Variants in CREB5 observed in about 807,000 individuals in gnomAD.
CREB5 encodes cyclic AMP-responsive element-binding protein 5.
Under a neutral mutation model 57.1 loss-of-function variants are expected in CREB5, and 19 were observed. That is an observed-to-expected ratio of 0.33 (90% CI 0.23 to 0.49). The LOEUF (loss-of-function observed/expected upper bound fraction) is 0.49. Among genes scored for constraint, CREB5 ranks in the 20% least tolerant of loss-of-function variants. CREB5 has a pLI of 0.99. For synonymous variants in CREB5, 238 were observed against 238.3 expected (o/e 1.00, Z 0.01); for missense variants, 579 against 671.6 (o/e 0.86, Z 1.52).
At chr7:28,555,961 C>G (rs1794847425) in intron 4 of CREB5, among the ~76,000 whole-genome samples, 1 of 152,140 alleles carries the variant, frequency 6.6e-6, no homozygotes, top group South Asian at 2.1e-4. Context: ...ATAGAATGTT[C>G]CAGTTGCCGA....
At chr7:28,610,690 G>C (rs941663165) in intron 5 of CREB5, among the ~76,000 whole-genome samples, 1 of 152,102 alleles carries the variant, frequency 6.6e-6, no homozygotes, top group African/African-American at 2.4e-5. Flanking sequence ...AGGGACCTCA[G>C]GTAAGGTTCA....
chr7:28,673,255 A>C (rs893277613), intron 5 of CREB5, among the ~76,000 whole-genome samples: 2 of 152,194 alleles, frequency 1.3e-5, no homozygotes, highest in Non-Finnish European at 2.9e-5. Flanking sequence ...GGTCTAACAC[A>C]ATGGCTATCA....
intron 8 of CREB5, among the ~76,000 whole-genome samples, chr7:28,806,579 G>A (rs929335756): frequency 3.3e-5 from 5 of 152,076 alleles, no homozygotes; most frequent in African/African-American, 7.2e-5. Context: ...AATTACAAGC[G>A]ACAATAATTA....
At chr7:28,653,328 G>A (rs1402456398) in intron 5 of CREB5, among the ~76,000 whole-genome samples, 2 of 152,124 alleles carry the variant, frequency 1.3e-5, no homozygotes, top group Non-Finnish European at 2.9e-5. Context: ...ATTTTCTTAG[G>A]AACAGAAGTC....
chr7:28,474,474 A>G (rs1184156592), intron 1 of CREB5, among the ~76,000 whole-genome samples: 1 of 152,178 alleles, frequency 6.6e-6, no homozygotes, highest in Non-Finnish European at 1.5e-5. Context: ...TGTTTGCCCT[A>G]TGACTGGCTG....
chr7:28,619,079 A>G (rs2128683777), intron 5 of CREB5, among the ~76,000 whole-genome samples: 1 of 152,372 alleles, frequency 6.6e-6, no homozygotes, highest in South Asian at 2.1e-4. Flanking sequence ...CACATGGCCA[A>G]GTCCTGTTCT....
chr7:28,395,278 C>T (rs1787312721), intron 1 of CREB5, among the ~76,000 whole-genome samples: 1 of 152,126 alleles, frequency 6.6e-6, no homozygotes, highest in Admixed American at 6.5e-5. Context: ...AGGATGTAGC[C>T]ATATCTATTA....
chr7:28,794,561 C>T (rs1488657479), intron 7 of CREB5, among the ~76,000 whole-genome samples: 3 of 152,122 alleles, frequency 2.0e-5, no homozygotes, highest in African/African-American at 7.2e-5. Flanking sequence ...TTAAGGAGCT[C>T]GGCAGCCGGA....
At chr7:28,706,521 T>G (rs983405634) in intron 5 of CREB5, among the ~76,000 whole-genome samples, 1 of 152,228 alleles carries the variant, frequency 6.6e-6, no homozygotes, top group African/African-American at 2.4e-5. Context: ...CTCAGTGGTT[T>G]CTTTGCTTGT....
chr7:28,560,963 T>TGC lies in CREB5; in HGVS notation c.292-9401_292-9400insCG, dbSNP rs1194418363. On this transcript the variant is annotated intron_variant, in intron 4 of 10. Coordinates refer to ENST00000357727, the MANE Select transcript of CREB5 (RefSeq NM_182898.4). ...GTGCGTGTGTGTGCGTGTGTGTGCG[T>TGC]GTGTGTGTGCGTGTGTGCGTGCGTG... is the stretch of plus-strand genomic sequence containing the variant. 5.6e-3 allele frequency among the ~76,000 whole-genome samples: 271 copies of TGC among 48,048 alleles called. 16 individuals are homozygous for TGC. The highest frequency in any genetic ancestry group is 0.015 in the African/African-American group (176 of 11,428). The allele number at this position is 48,048 out of a possible 152,430, so 31.5% of individuals were successfully genotyped here. A position where few individuals can be genotyped will look rare whatever the true frequency, so the allele number is the denominator to read the frequency against.
intron 4 of CREB5, among the ~76,000 whole-genome samples, chr7:28,537,627 G>T (rs1332155206): frequency 6.6e-6 from 1 of 152,126 alleles, no homozygotes; most frequent in Admixed American, 6.5e-5. Flanking sequence ...GGAGTGAAAA[G>T]GAGGAGGCAG....
At chr7:28,439,866 C>G (rs1468658621) in intron 1 of CREB5, among the ~76,000 whole-genome samples, 1 of 152,140 alleles carries the variant, frequency 6.6e-6, no homozygotes, top group Admixed American at 6.5e-5. Flanking sequence ...TGTAATTTTG[C>G]GTACCATTCA....
chr7:28,331,886 TTTAATTATTTGCTTAGTCATTTGTAG>T (rs1785724062), intron 1 of CREB5, among the ~76,000 whole-genome samples: 1 of 152,030 alleles, frequency 6.6e-6, no homozygotes, highest in Non-Finnish European at 1.5e-5. Flanking sequence ...CATATCTTAT[TTTAATTATTTGCTTAGTCATTTGTAG>T]TGAGTCGAAT....
At chr7:28,635,488 A>T (rs896014688) in intron 5 of CREB5, among the ~76,000 whole-genome samples, 2 of 152,196 alleles carry the variant, frequency 1.3e-5, no homozygotes, top group Admixed American at 6.5e-5. Flanking sequence ...AAATTAGTAG[A>T]CCAGTCTTAA....
At chr7:28,442,582 G>C (rs1423394478) in intron 1 of CREB5, among the ~76,000 whole-genome samples, 1 of 152,082 alleles carries the variant, frequency 6.6e-6, no homozygotes, top group Non-Finnish European at 1.5e-5. Flanking sequence ...TAGTGTATAA[G>C]AGTTCCCTTT....
chr7:28,633,445 A>T (rs2128694897), intron 5 of CREB5, among the ~76,000 whole-genome samples: 1 of 151,930 alleles, frequency 6.6e-6, no homozygotes, highest in Non-Finnish European at 1.5e-5. Flanking sequence ...CTCAGCTAGA[A>T]CTCTTGGGTT....
intron 5 of CREB5, among the ~76,000 whole-genome samples, chr7:28,687,675 G>A (rs1361840794): frequency 2.6e-5 from 4 of 151,832 alleles, no homozygotes; most frequent in Admixed American, 1.3e-4. Context: ...TGAGGCATGC[G>A]GCACATACCA....
rs535705664 is a variant in CREB5 at position 28,622,491 on chromosome 7, C to G, written c.464+51954C>G. On this transcript the variant is annotated intron_variant, in intron 5 of 10. Coordinates refer to ENST00000357727, the MANE Select transcript of CREB5 (RefSeq NM_182898.4). ...AGAAAGAACAAAAAGAAAATTACAC[C>G]ATTCTATAACTGCCAGGGCTGAGAA... Among the ~76,000 whole-genome samples, 16 of 152,210 alleles carry G rather than the reference C, an allele frequency of 1.1e-4. No individual in the cohort carries two copies. In the South Asian group the frequency reaches 3.3e-3, roughly 32 times the overall value.
intron 9 of CREB5, among the ~76,000 whole-genome samples, chr7:28,817,803 G>C (rs1186120821): frequency 6.6e-6 from 1 of 152,100 alleles, no homozygotes; most frequent in Non-Finnish European, 1.5e-5. Flanking sequence ...ACCTGGCTTC[G>C]GTTCCCATCA....
Sources: allele counts gnomAD v4.1 joint callset (sites outside exome capture counted in the v4.1 genomes callset), GRCh38; gene constraint gnomAD v4.1.1; transcripts MANE v1.5; gene names NCBI Gene and HGNC (gene_info 2026-07-23, HGNC 2026-07-21).